Variants in GUCY1A2 observed in about 807,000 individuals in gnomAD.
GUCY1A2 encodes guanylate cyclase soluble subunit alpha-2.
In GUCY1A2, 27 loss-of-function variants were observed where a neutral mutation model predicts 63.5. The observed-to-expected ratio is 0.43, with a 90% CI of 0.31 to 0.59. The LOEUF is 0.59. Ranked by LOEUF, GUCY1A2 falls within the 20% of genes least tolerant of loss-of-function variation. The pLI is 0.11. For synonymous variants in GUCY1A2, 364 were observed against 343.5 expected, an observed-to-expected ratio of 1.06 and a Z score of -0.66; for missense variants, 768 against 913.3, an observed-to-expected ratio of 0.84 and a Z score of 2.05.
chr11:106,822,053 A>G (rs1381464171), intron 4 of GUCY1A2, among the ~76,000 whole-genome samples: 3 of 152,180 alleles, frequency 2.0e-5, no homozygotes, highest in Non-Finnish European at 2.9e-5. Context: ...GGCAAAACCC[A>G]CTGTTACATA....
intron 4 of GUCY1A2, among the ~76,000 whole-genome samples, chr11:106,812,821 C>T (rs1006464431): frequency 1.3e-5 from 2 of 151,884 alleles, no homozygotes; most frequent in African/African-American, 4.8e-5. Context: ...TGATTGCCTA[C>T]ACTACAGAAA....
chr11:106,706,781 T>C (rs1862921295), intron 7 of GUCY1A2, among the ~76,000 whole-genome samples: 1 of 151,404 alleles, frequency 6.6e-6, no homozygotes, highest in Non-Finnish European at 1.5e-5. Flanking sequence ...AGGATATGAG[T>C]GAGGTAGCTG....
At chr11:106,923,104 T>A (rs1860471565) in intron 4 of GUCY1A2, among the ~76,000 whole-genome samples, 1 of 152,184 alleles carries the variant, frequency 6.6e-6, no homozygotes, top group Non-Finnish European at 1.5e-5. Context: ...TTGCAATTTA[T>A]GCCAGGCAGA....
intron 4 of GUCY1A2, among the ~76,000 whole-genome samples, chr11:106,821,034 G>T (rs979006380): frequency 5.9e-5 from 9 of 151,622 alleles, no homozygotes; most frequent in Non-Finnish European, 1.3e-4. Context: ...ATTCTTTTTT[G>T]ATAAATAAGC....
At chr11:106,790,704 G>A (rs1864643128) in intron 5 of GUCY1A2, among the ~76,000 whole-genome samples, 1 of 152,258 alleles carries the variant, frequency 6.6e-6, no homozygotes, top group Non-Finnish European at 1.5e-5. Context: ...TAGGTGATGG[G>A]TCCAGCTAGG....
chr11:106,757,711 C>T (rs1032741694), intron 6 of GUCY1A2, among the ~76,000 whole-genome samples: 9 of 152,178 alleles, frequency 5.9e-5, no homozygotes, highest in South Asian at 2.1e-4. Flanking sequence ...GCTCCCTGAT[C>T]GTTCCTCTGG....
chr11:106,779,490 A>T (rs73549999), intron 5 of GUCY1A2, among the ~76,000 whole-genome samples: 2,179 of 152,322 alleles, frequency 0.014, 41 homozygotes, highest in African/African-American at 0.049. Flanking sequence ...GTGTACTTCA[A>T]AACTTATTTC....
chr11:106,734,029 A>G (rs1025740220), intron 6 of GUCY1A2, among the ~76,000 whole-genome samples: 18 of 152,248 alleles, frequency 1.2e-4, no homozygotes, highest in Admixed American at 3.9e-4. Context: ...CAATATAGTA[A>G]TCTCCCTTGA....
At chr11:106,693,529 C>G (rs536116838) in intron 7 of GUCY1A2, among the ~76,000 whole-genome samples, 2 of 152,184 alleles carry the variant, frequency 1.3e-5, no homozygotes, top group East Asian at 3.9e-4. Flanking sequence ...CAAACTATGT[C>G]TTTCAGTTCT....
Position 106,889,850 on chromosome 11 carries a change from C to T in GUCY1A2, c.1206+49610G>A, listed in dbSNP as rs7119786. Reference sequence around the variant, plus strand: ...TAAAGCATATTAATTTTTGGCATTACGCAACTTAATGTATTTCAGAGGGTT... The same window carrying T: ...TAAAGCATATTAATTTTTGGCATTATGCAACTTAATGTATTTCAGAGGGTT... On this transcript the variant is annotated intron_variant, in intron 4 of 7. Transcript: ENST00000526355. 2.8e-3 allele frequency among the ~76,000 whole-genome samples: 419 copies of T among 152,254 alleles called. 1 individual carries two copies. Among genetic ancestry groups the T allele is most frequent in the African/African-American group, 9.3e-3 (388 of 41,554 alleles).
chr11:106,716,717 C>T (rs956836932), intron 6 of GUCY1A2, among the ~76,000 whole-genome samples: 5 of 138,544 alleles, frequency 3.6e-5, no homozygotes, highest in Admixed American at 3.2e-4. Context: ...TGTAGTGAGC[C>T]GAGATCACGC....
intron 6 of GUCY1A2, among the ~76,000 whole-genome samples, chr11:106,744,721 T>C (rs1337750108): frequency 1.3e-5 from 2 of 152,138 alleles, no homozygotes; most frequent in African/African-American, 4.8e-5. Context: ...CATTCAAAAA[T>C]AGTAATTTGT....
intron 6 of GUCY1A2, among the ~76,000 whole-genome samples, chr11:106,734,004 G>T (rs755140100): frequency 2.1e-4 from 32 of 152,210 alleles, no homozygotes; most frequent in South Asian, 4.1e-4. Flanking sequence ...TATGACTGTG[G>T]ATGTGAATAG....
At chr11:106,979,798 A>T (rs1317687411) in intron 2 of GUCY1A2, among the ~76,000 whole-genome samples, 1 of 152,204 alleles carries the variant, frequency 6.6e-6, no homozygotes, top group African/African-American at 2.4e-5. Flanking sequence ...AGGACTTAAG[A>T]GGAGACTAAA....
intron 4 of GUCY1A2, among the ~76,000 whole-genome samples, chr11:106,899,138 A>G (rs1860091379): frequency 6.6e-6 from 1 of 152,206 alleles, no homozygotes; most frequent in African/African-American, 2.4e-5. Flanking sequence ...GTACATAGAA[A>G]ATACTTTGTA....
rs1862395087 is a variant in GUCY1A2, at chr11:106,679,356, C to T, written c.*8193G>A. The stretch of plus-strand genomic sequence containing the variant: ...TCCAGCTCAAATACTCTGGCACATT[C>T]TGTAAGAGACAGATGGACATTTTTC... On this transcript the variant is annotated 3_prime_UTR_variant, in exon 8 of 8. Coordinates refer to ENST00000526355, the MANE Select transcript of GUCY1A2 (RefSeq NM_000855.3). 1 of 192,936 alleles carries T rather than the reference C, an allele frequency of 5.2e-6. No individual in the cohort carries two copies. Among genetic ancestry groups the T allele is most frequent in the East Asian group, 8.2e-5 (1 of 12,226 alleles). The allele number at this position is 192,936 out of a possible 1,614,324, so 12.0% of individuals were successfully genotyped here.
At chr11:106,946,656 C>T (rs968849473) in intron 3 of GUCY1A2, among the ~76,000 whole-genome samples, 1 of 151,974 alleles carries the variant, frequency 6.6e-6, no homozygotes, top group Non-Finnish European at 1.5e-5. Flanking sequence ...TCACAATTTA[C>T]AAAGAAGACC....
intron 4 of GUCY1A2, among the ~76,000 whole-genome samples, chr11:106,867,748 A>G (rs1859615313): frequency 6.6e-6 from 1 of 152,098 alleles, no homozygotes; most frequent in Non-Finnish European, 1.5e-5. Flanking sequence ...TTTGGTGCAG[A>G]TCACTGAATC....
chr11:106,893,415 A>T (rs1477880199), intron 4 of GUCY1A2, among the ~76,000 whole-genome samples: 1 of 152,172 alleles, frequency 6.6e-6, no homozygotes, highest in East Asian at 1.9e-4. Context: ...TGGGGAAATA[A>T]ATAATCCAAT....
Sources: allele counts gnomAD v4.1 joint callset (sites outside exome capture counted in the v4.1 genomes callset), GRCh38; gene constraint gnomAD v4.1.1; transcripts MANE v1.5; gene names NCBI Gene and HGNC (gene_info 2026-07-23, HGNC 2026-07-21).